Variants in ITGBL1 observed in about 807,000 individuals in gnomAD.
The protein encoded by ITGBL1 is integrin beta-like protein 1.
A neutral mutation model predicts 68.5 loss-of-function variants in ITGBL1; 51 were observed. The observed-to-expected ratio is 0.74, with a 90% confidence interval of 0.59 to 0.94. The LOEUF (loss-of-function observed/expected upper bound fraction) is 0.94. Ranked by LOEUF, ITGBL1 falls within the 40% of genes least tolerant of loss-of-function variation. The probability of loss-of-function intolerance (pLI) is 0.00; values close to 1 mark genes in which losing one functional copy is unlikely to be tolerated. For synonymous variants in ITGBL1, 209 were observed against 227.3 expected, an observed-to-expected ratio of 0.92 and a Z score of 0.72; for missense variants, 649 against 647.4, an observed-to-expected ratio of 1.00 and a Z score of -0.03.
intron 8 of ITGBL1, among the ~76,000 whole-genome samples, chr13:101,693,943 G>T (rs757190745): frequency 2.0e-5 from 3 of 152,058 alleles, no homozygotes; most frequent in African/African-American, 7.2e-5. Flanking sequence ...GCATAAATTC[G>T]TAAAACATCT....
At chr13:101,633,475 A>G (rs1228897624) in intron 7 of ITGBL1, among the ~76,000 whole-genome samples, 1 of 152,172 alleles carries the variant, frequency 6.6e-6, no homozygotes, top group Non-Finnish European at 1.5e-5. Context: ...CAGTTCTTCC[A>G]TCCATGCATG....
chr13:101,535,531 C>T (rs2049558886), intron 2 of ITGBL1, among the ~76,000 whole-genome samples: 2 of 152,112 alleles, frequency 1.3e-5, no homozygotes, highest in Admixed American at 6.6e-5. Context: ...TCTAAAATTC[C>T]TCTGACTTGA....
chr13:101,651,982 G>C (rs2032768026), intron 7 of ITGBL1, among the ~76,000 whole-genome samples: 1 of 152,154 alleles, frequency 6.6e-6, no homozygotes, highest in Non-Finnish European at 1.5e-5. Flanking sequence ...GATGGTTATA[G>C]ATGTGCAGTC....
At chr13:101,543,288 A>G (rs1236982371) in intron 2 of ITGBL1, among the ~76,000 whole-genome samples, 1 of 152,082 alleles carries the variant, frequency 6.6e-6, no homozygotes. Flanking sequence ...GCTTGTCTGT[A>G]AAGGATTTTA....
At chr13:101,677,214 G>A (rs2033527440) in intron 7 of ITGBL1, among the ~76,000 whole-genome samples, 1 of 152,154 alleles carries the variant, frequency 6.6e-6, no homozygotes, top group South Asian at 2.1e-4. Context: ...GGAAAAAGAA[G>A]AAAGCAGAAA....
intron 2 of ITGBL1, among the ~76,000 whole-genome samples, chr13:101,455,101 G>T (rs1390142634): frequency 1.3e-5 from 2 of 152,182 alleles, no homozygotes; most frequent in Non-Finnish European, 2.9e-5. Context: ...ATGCATTCCA[G>T]CCAGGGTTTG....
At chr13:101,512,045 C>T (rs1041816631) in intron 2 of ITGBL1, among the ~76,000 whole-genome samples, 10 of 152,050 alleles carry the variant, frequency 6.6e-5, no homozygotes, top group African/African-American at 2.4e-4. Flanking sequence ...TGAAATAATA[C>T]CCCTCTGACA....
chr13:101,598,390 T>A, intron 7 of ITGBL1, 91 bp downstream of exon 7: 1 of 1,111,166 alleles, frequency 9.0e-7, no homozygotes, highest in Admixed American at 3.7e-5. Context: ...GTTTGTTTGT[T>A]TTTTGTTTTC....
intron 2 of ITGBL1, among the ~76,000 whole-genome samples, chr13:101,530,918 G>C (rs1264971200): frequency 6.6e-6 from 1 of 152,138 alleles, no homozygotes; most frequent in African/African-American, 2.4e-5. Flanking sequence ...TTAGTGTCTG[G>C]TTGGGTCTAG....
At chr13:101,573,898 C>T (rs999533533) in intron 3 of ITGBL1, among the ~76,000 whole-genome samples, 1 of 152,132 alleles carries the variant, frequency 6.6e-6, no homozygotes, top group Non-Finnish European at 1.5e-5. Context: ...ATGCCCTCTA[C>T]TCTTTCTCCT....
chr13:101,584,224 A>C (rs1035754712), intron 6 of ITGBL1, among the ~76,000 whole-genome samples: 8 of 152,230 alleles, frequency 5.3e-5, no homozygotes, highest in African/African-American at 1.7e-4. Flanking sequence ...GACAGGAGAC[A>C]GCCATGAACT....
chr13:101,636,882 A>G (rs1455412222), intron 7 of ITGBL1, among the ~76,000 whole-genome samples: 1 of 152,158 alleles, frequency 6.6e-6, no homozygotes, highest in African/African-American at 2.4e-5. Flanking sequence ...GCTTTGATAA[A>G]TTTTGTTCTA....
chr13:101,554,361 T>C (rs1385657028), intron 2 of ITGBL1, among the ~76,000 whole-genome samples: 1 of 152,216 alleles, frequency 6.6e-6, no homozygotes, highest in East Asian at 1.9e-4. Context: ...GGGAGTAAAC[T>C]GTTCACAGTT....
intron 7 of ITGBL1, among the ~76,000 whole-genome samples, chr13:101,630,851 AT>A (rs1452276603): frequency 1.3e-5 from 2 of 152,112 alleles, no homozygotes; most frequent in South Asian, 2.1e-4. Context: ...TCTGTATGGC[AT>A]TTTTGTTATT....
intron 6 of ITGBL1, among the ~76,000 whole-genome samples, chr13:101,586,539 T>C (rs1470178461): frequency 6.6e-6 from 1 of 152,190 alleles, no homozygotes; most frequent in Non-Finnish European, 1.5e-5. Flanking sequence ...GGCATTATTG[T>C]CTATAGTTTA....
intron 7 of ITGBL1, among the ~76,000 whole-genome samples, chr13:101,686,587 T>C (rs1469205580): frequency 6.6e-6 from 1 of 152,154 alleles, no homozygotes; most frequent in Non-Finnish European, 1.5e-5. Flanking sequence ...TCTAAAATTT[T>C]AAGCTTCCGT....
At chr13:101,673,842 C>T (rs1180155237) in intron 7 of ITGBL1, among the ~76,000 whole-genome samples, 2 of 152,122 alleles carry the variant, frequency 1.3e-5, no homozygotes, top group Non-Finnish European at 2.9e-5. Flanking sequence ...TCCTGATGCT[C>T]AAATGTGGCT....
chr13:101,635,250 G>T (rs2032132628), intron 7 of ITGBL1, among the ~76,000 whole-genome samples: 2 of 151,942 alleles, frequency 1.3e-5, no homozygotes. Flanking sequence ...TGGAGCAAAA[G>T]ATTTAGTCAC....
intron 7 of ITGBL1, among the ~76,000 whole-genome samples, chr13:101,688,246 C>A (rs936179977): frequency 1.3e-5 from 2 of 152,094 alleles, no homozygotes; most frequent in Non-Finnish European, 2.9e-5. Context: ...GGTTGAGGCA[C>A]TTGCTTATCT....
Sources: allele counts gnomAD v4.1 joint callset (sites outside exome capture counted in the v4.1 genomes callset), GRCh38; gene constraint gnomAD v4.1.1; transcripts MANE v1.5; gene names NCBI Gene and HGNC (gene_info 2026-07-23, HGNC 2026-07-21).